The following MYL12B variants were observed in gnomAD, a reference collection of about 807,000 sequenced individuals.
MYL12B encodes myosin light chain 12B.
MYL12B carries 3 observed loss-of-function variants against 12.9 expected under a neutral mutation model. The ratio of observed to expected loss-of-function variants is 0.23; its 90% CI spans 0.11 to 0.60. The LOEUF (loss-of-function observed/expected upper bound fraction) is 0.60. Among genes scored for constraint, MYL12B ranks in the 20% least tolerant of loss-of-function variants. The probability of loss-of-function intolerance (pLI) is 0.89; values close to 1 mark genes in which losing one functional copy is unlikely to be tolerated. For synonymous variants in MYL12B, 57 were observed against 71.9 expected (o/e 0.79, Z 1.05); for missense variants, 120 against 215.4 (o/e 0.56, Z 2.77).
chr18:3,274,256 A>G (rs1477894274), intron 2 of MYL12B, among the ~76,000 whole-genome samples: 1 of 152,230 alleles, frequency 6.6e-6, no homozygotes. Flanking sequence ...TCTTCCAAAG[A>G]TTGAACTCTC....
At chr18:3,267,848 G>T (rs976563243) in intron 1 of MYL12B, among the ~76,000 whole-genome samples, 16 of 152,192 alleles carry the variant, frequency 1.1e-4, no homozygotes, top group Non-Finnish European at 2.1e-4. Flanking sequence ...AGAATCTGCA[G>T]ATGCTCAAGT....
chr18:3,273,173 C>T (rs1256753804), intron 2 of MYL12B, 91 bp downstream of exon 2: 1 of 1,377,764 alleles, frequency 7.3e-7, no homozygotes, highest in Non-Finnish European at 9.7e-7. Flanking sequence ...AAATATTTCT[C>T]TCCTTGTCTC....
intron 1 of MYL12B, among the ~76,000 whole-genome samples, chr18:3,265,655 C>G (rs2081628921): frequency 6.6e-6 from 1 of 152,166 alleles, no homozygotes; most frequent in African/African-American, 2.4e-5. Flanking sequence ...CCTCCCCTCC[C>G]CAATTACCTC....
chr18:3,272,067 A>G (rs1167749671), intron 1 of MYL12B: 1 of 985,300 alleles, frequency 1.0e-6, no homozygotes. Context: ...ACAGTTCAGC[A>G]TTAGACTGGT....
intron 1 of MYL12B, among the ~76,000 whole-genome samples, chr18:3,271,707 G>T (rs2081680636): frequency 6.6e-6 from 1 of 152,110 alleles, no homozygotes. Context: ...AGCTAGTAAC[G>T]GTGGAGCTGA....
At chr18:3,270,338 A>G (rs1178924645) in intron 1 of MYL12B, among the ~76,000 whole-genome samples, 2 of 152,236 alleles carry the variant, frequency 1.3e-5, no homozygotes, top group African/African-American at 4.8e-5. Context: ...AAAAATTTAA[A>G]ATATAGTATT....
intron 1 of MYL12B, among the ~76,000 whole-genome samples, chr18:3,267,194 C>T (rs759068042): frequency 2.0e-5 from 3 of 152,118 alleles, no homozygotes; most frequent in African/African-American, 7.2e-5. Flanking sequence ...TTTGAAACTT[C>T]TGAGGTGATT....
At chr18:3,272,046 G>A in intron 1 of MYL12B, 1 of 984,768 alleles carries the variant, frequency 1.0e-6, no homozygotes, top group Non-Finnish European at 1.2e-6. Context: ...AAAACAGAAG[G>A]AAAAATGAAG....
intron 1 of MYL12B, among the ~76,000 whole-genome samples, chr18:3,271,729 A>G (rs1422115744): frequency 1.3e-5 from 2 of 152,194 alleles, no homozygotes; most frequent in African/African-American, 2.4e-5. Context: ...ATTTGAACTC[A>G]GGACTTCCTA....
At chr18:3,271,812 GCCTTTTCTGCTTGACATT>G (rs1398860490) in intron 1 of MYL12B, among the ~76,000 whole-genome samples, 1 of 151,738 alleles carries the variant, frequency 6.6e-6, no homozygotes, top group African/African-American at 2.4e-5. Flanking sequence ...AATGACAAGT[GCCTTTTCTGCTTGACATT>G]TAAATTATTG....
chr18:3,277,531 A>G, intron 3 of MYL12B, 117 bp downstream of exon 3: 1 of 1,462,760 alleles, frequency 6.8e-7, no homozygotes, highest in Non-Finnish European at 9.1e-7. Context: ...ATAATTTTGT[A>G]AGCATATGAT....
At chr18:3,264,271 A>G (rs970641581) in intron 1 of MYL12B, among the ~76,000 whole-genome samples, 12 of 152,328 alleles carry the variant, frequency 7.9e-5, no homozygotes, top group Admixed American at 7.2e-4. Context: ...TATATACACT[A>G]TATACAACTG....
chr18:3,272,304 A>ATTGAGGCT, intron 1 of MYL12B: 39 of 183,412 alleles, frequency 2.1e-4, no homozygotes, highest in Non-Finnish European at 3.6e-4. Context: ...GAATAAGAGT[A>ATTGAGGCT]CCTACCATAG....
At chr18:3,271,609 C>A (rs2081679776) in intron 1 of MYL12B, among the ~76,000 whole-genome samples, 1 of 152,078 alleles carries the variant, frequency 6.6e-6, no homozygotes, top group African/African-American at 2.4e-5. Flanking sequence ...CCTAAGACCA[C>A]CCTTGCGTTT....
At chr18:3,264,296 A>T (rs575273540) in intron 1 of MYL12B, among the ~76,000 whole-genome samples, 1 of 152,182 alleles carries the variant, frequency 6.6e-6, no homozygotes, top group Non-Finnish European at 1.5e-5. Flanking sequence ...TACTATACAT[A>T]TATTTATACA....
rs181387021 is a variant in MYL12B, at chr18:3,278,132, A to C, written c.*195A>C. ...AGACTGGAAATGGGGATGAGGGTGT[A>C]AATTGTATTGAAAAAGATCGCGAAT... On this transcript the variant is annotated 3_prime_UTR_variant, in exon 4 of 4. Transcript: ENST00000237500. The C allele has an allele frequency of 1.8e-4, 89 of 493,982 alleles. No individual in the cohort carries two copies. The highest frequency in any genetic ancestry group is 1.6e-3 in the African/African-American group (82 of 49,790). The allele number at this position is 493,982 out of a possible 1,614,324, so 30.6% of individuals were successfully genotyped here.
chr18:3,272,173 A>G, intron 1 of MYL12B: 2 of 840,804 alleles, frequency 2.4e-6, no homozygotes, highest in Non-Finnish European at 2.6e-6. Flanking sequence ...ACCTTTTTTG[A>G]ACATGACTAG....
In MYL12B at chr18:3,277,971, TCTTA is replaced by T; in HGVS notation, c.*37_*40del. On this transcript the variant is annotated 3_prime_UTR_variant, in exon 4 of 4. Coordinates refer to ENST00000237500, the MANE Select transcript of MYL12B (RefSeq NM_033546.4). ...TAGCTAAAATCTTCCAGTTACATTG[TCTTA>T]CTCTCTTTTACTTCTCAGACACTTC... The T allele has an allele frequency of 6.2e-7, 1 of 1,600,476 alleles. No homozygotes were observed. The highest frequency in any genetic ancestry group is 8.5e-7 in the Non-Finnish European group (1 of 1,172,784).
intron 2 of MYL12B, 89 bp downstream of exon 2, chr18:3,273,171 C>G: frequency 7.3e-7 from 1 of 1,376,402 alleles, no homozygotes; most frequent in Non-Finnish European, 9.7e-7. Context: ...ACAAATATTT[C>G]TCTCCTTGTC....
Sources: gnomAD v4.1 joint callset for allele counts (sites outside exome capture counted in the v4.1 genomes callset) on GRCh38, gnomAD v4.1.1 for gene constraint, MANE v1.5 for transcripts, NCBI Gene and HGNC (gene_info 2026-07-23, HGNC 2026-07-21) for gene names.